CNTN3: variants seen among roughly 807,000 people sequenced by gnomAD.
CNTN3 encodes contactin 3, also known as contactin-3.
Under a neutral mutation model 119.1 loss-of-function variants are expected in CNTN3, and 60 were observed. The ratio of observed to expected loss-of-function variants is 0.50; its 90% confidence interval spans 0.41 to 0.62. CNTN3 has a LOEUF of 0.62. Among genes scored for constraint, CNTN3 ranks in the 20% least tolerant of loss-of-function variants. The pLI is 0.00. For synonymous variants in CNTN3, 450 were observed against 438.7 expected, an observed-to-expected ratio of 1.03 and a Z score of -0.32; for missense variants, 1,101 against 1,242.4, an observed-to-expected ratio of 0.89 and a Z score of 1.71.
At chr3:74,393,137 C>T (rs1340535623) in intron 5 of CNTN3, among the ~76,000 whole-genome samples, 1 of 152,182 alleles carries the variant, frequency 6.6e-6, no homozygotes, top group East Asian at 1.9e-4. Flanking sequence ...TAATGGACTC[C>T]AAGCTTGCTT....
intron 5 of CNTN3, among the ~76,000 whole-genome samples, chr3:74,372,694 T>C (rs1035668973): frequency 1.3e-5 from 2 of 152,126 alleles, no homozygotes; most frequent in Admixed American, 1.3e-4. Context: ...GTCTTTCTTT[T>C]TGGTAAAGGG....
intron 5 of CNTN3, among the ~76,000 whole-genome samples, chr3:74,374,625 C>G (rs1258054177): frequency 1.3e-5 from 2 of 152,026 alleles, no homozygotes; most frequent in Non-Finnish European, 2.9e-5. Context: ...CAGAGAAAAA[C>G]AGTGTGAGGC....
chr3:74,334,625 T>G, intron 13 of CNTN3, 110 bp downstream of exon 13: 1 of 998,978 alleles, frequency 1.0e-6, no homozygotes, highest in Non-Finnish European at 1.5e-6. Flanking sequence ...CCAAAACCAC[T>G]TATTTAGAAA....
intron 1 of CNTN3, among the ~76,000 whole-genome samples, chr3:74,573,379 T>A (rs1203601075): frequency 6.6e-6 from 1 of 152,046 alleles, no homozygotes; most frequent in Non-Finnish European, 1.5e-5. Flanking sequence ...AACATAGGTA[T>A]AAATCTTTGT....
chr3:74,280,614 G>C (rs1421016701), intron 20 of CNTN3, among the ~76,000 whole-genome samples: 1 of 152,222 alleles, frequency 6.6e-6, no homozygotes, highest in African/African-American at 2.4e-5. Context: ...AACTTGGTTA[G>C]AGTGATGCTG....
intron 20 of CNTN3, among the ~76,000 whole-genome samples, chr3:74,282,911 G>A (rs946551743): frequency 5.9e-5 from 9 of 152,044 alleles, no homozygotes; most frequent in East Asian, 3.9e-4. Context: ...CCCACCCAAC[G>A]TAGGAAATTG....
At chr3:74,524,427 C>T (rs1413943121) in intron 1 of CNTN3, among the ~76,000 whole-genome samples, 1 of 151,628 alleles carries the variant, frequency 6.6e-6, no homozygotes, top group Non-Finnish European at 1.5e-5. Context: ...ATGAAAGGTA[C>T]AGTAGAGGGT....
intron 1 of CNTN3, among the ~76,000 whole-genome samples, chr3:74,539,893 T>G (rs186218440): frequency 6.6e-6 from 1 of 152,074 alleles, no homozygotes; most frequent in Admixed American, 6.5e-5. Flanking sequence ...GAAAGGAGGT[T>G]CCATTTGCTA....
At chr3:74,523,244 C>T (rs977142801) in intron 1 of CNTN3, among the ~76,000 whole-genome samples, 10 of 151,682 alleles carry the variant, frequency 6.6e-5, no homozygotes, top group African/African-American at 1.7e-4. Flanking sequence ...TTGAGGAAAC[C>T]GTGGTCCAAA....
At chr3:74,455,939 G>A (rs967117829) in intron 4 of CNTN3, among the ~76,000 whole-genome samples, 3 of 152,108 alleles carry the variant, frequency 2.0e-5, no homozygotes, top group Non-Finnish European at 4.4e-5. Context: ...CAGTGAAGCT[G>A]ATGCTGCTAG....
At chr3:74,397,362 T>C (rs1432284030) in intron 5 of CNTN3, among the ~76,000 whole-genome samples, 1 of 152,134 alleles carries the variant, frequency 6.6e-6, no homozygotes, top group Non-Finnish European at 1.5e-5. Flanking sequence ...AAGAGATAAA[T>C]GCTGTTTACA....
chr3:74,600,050 A>T (rs1704883164), intron 1 of CNTN3, among the ~76,000 whole-genome samples: 1 of 152,004 alleles, frequency 6.6e-6, no homozygotes, highest in South Asian at 2.1e-4. Context: ...TTTTTTATTT[A>T]TCTCCATGTT....
chr3:74,458,687 G>A (rs887291291), intron 4 of CNTN3, among the ~76,000 whole-genome samples: 1 of 152,016 alleles, frequency 6.6e-6, no homozygotes, highest in African/African-American at 2.4e-5. Context: ...TAAAGGTAAG[G>A]GATAGGAGAG....
intron 5 of CNTN3, among the ~76,000 whole-genome samples, chr3:74,372,200 C>A (rs1290812273): frequency 1.3e-5 from 2 of 152,092 alleles, no homozygotes; most frequent in Admixed American, 1.3e-4. Context: ...ATTTCACCTG[C>A]CCTTCCCCCT....
chr3:74,406,760 A>G lies in CNTN3; in HGVS notation c.454+18085T>C, dbSNP rs544684805. 1.1e-4 allele frequency among the ~76,000 whole-genome samples: 10 copies of G among 91,776 alleles called. No homozygotes were observed. In the South Asian group the frequency reaches 3.6e-3, roughly 33 times the overall value. 60.2% of individuals were successfully genotyped at this position (91,776 alleles called of 152,430 possible). ...AAACTATGTATGTGTAGGTATGCAC[A>G]TATATGCACACACACATACAAAGGG... On this transcript the variant is annotated intron_variant, in intron 5 of 22. Coordinates refer to ENST00000263665, the MANE Select transcript of CNTN3 (RefSeq NM_020872.3).
intron 5 of CNTN3, among the ~76,000 whole-genome samples, chr3:74,410,688 A>G (rs942432397): frequency 1.3e-5 from 2 of 152,136 alleles, no homozygotes; most frequent in East Asian, 1.9e-4. Context: ...AAAACACACT[A>G]TGGTTACCGT....
chr3:74,365,922 T>G (rs1704176191), intron 8 of CNTN3, among the ~76,000 whole-genome samples: 1 of 152,128 alleles, frequency 6.6e-6, no homozygotes, highest in African/African-American at 2.4e-5. Context: ...TTGCAATCTG[T>G]TATTTCCTAA....
intron 4 of CNTN3, among the ~76,000 whole-genome samples, chr3:74,450,842 T>C (rs536613510): frequency 6.6e-6 from 1 of 152,116 alleles, no homozygotes; most frequent in South Asian, 2.1e-4. Flanking sequence ...GGACATGAAC[T>C]CATCATTTTT....
At chr3:74,432,873 T>C (rs1028419229) in intron 4 of CNTN3, among the ~76,000 whole-genome samples, 2 of 152,174 alleles carry the variant, frequency 1.3e-5, no homozygotes, top group African/African-American at 4.8e-5. Flanking sequence ...AAGGGAAAAC[T>C]CTCCCATGGC....
Sources: gnomAD v4.1 joint callset for allele counts (sites outside exome capture counted in the v4.1 genomes callset) on GRCh38, gnomAD v4.1.1 for gene constraint, MANE v1.5 for transcripts, NCBI Gene and HGNC (gene_info 2026-07-23, HGNC 2026-07-21) for gene names.